Variants in UMODL1 observed in about 807,000 individuals in gnomAD.
UMODL1 encodes the protein uromodulin-like 1.
A neutral mutation model predicts 136.3 loss-of-function variants in UMODL1; 128 were observed. The observed-to-expected ratio is 0.94, with a 90% CI of 0.81 to 1.09. UMODL1 has a LOEUF of 1.09. Ranked by LOEUF, UMODL1 falls within the 50% of genes least tolerant of loss-of-function variation. The pLI, the probability that UMODL1 is intolerant of heterozygous loss-of-function variation, is 0.00. For missense variants in UMODL1, 1,766 were observed against 1,725.6 expected (o/e 1.02, Z -0.41); for synonymous variants, 721 against 720.0 (o/e 1.00, Z -0.02).
At chr21:42,073,379 G>A (rs572840456) in intron 1 of UMODL1, among the ~76,000 whole-genome samples, 19 of 152,150 alleles carry the variant, frequency 1.2e-4, no homozygotes, top group African/African-American at 3.1e-4. Context: ...GTTCCACCCC[G>A]TACGATGAGG....
chr21:42,105,317 A>G (rs1427841658), intron 9 of UMODL1, among the ~76,000 whole-genome samples: 1 of 152,060 alleles, frequency 6.6e-6, no homozygotes, highest in Non-Finnish European at 1.5e-5. Flanking sequence ...CTTCAGGCGG[A>G]TCCAGCCTTC....
intron 3 of UMODL1, among the ~76,000 whole-genome samples, chr21:42,084,498 C>T (rs904320310): frequency 1.3e-5 from 2 of 152,184 alleles, no homozygotes; most frequent in Non-Finnish European, 2.9e-5. Context: ...TCTGGTGGAG[C>T]AGAGACCCGG....
intron 2 of UMODL1, among the ~76,000 whole-genome samples, chr21:42,077,023 GTGTGT>G (rs1412789501): frequency 1.6e-5 from 2 of 122,888 alleles, no homozygotes; most frequent in Admixed American, 7.3e-5. Flanking sequence ...GTGTGTGTGT[GTGTGT>G]GTGTGTGTGT....
At chr21:42,089,739 A>G (rs1317589438) in intron 5 of UMODL1, among the ~76,000 whole-genome samples, 2 of 152,242 alleles carry the variant, frequency 1.3e-5, no homozygotes, top group African/African-American at 4.8e-5. Context: ...TAGTTTGTAA[A>G]GAACTAATAA....
intron 2 of UMODL1, among the ~76,000 whole-genome samples, chr21:42,079,167 G>A (rs1422336731): frequency 1.3e-5 from 2 of 152,156 alleles, no homozygotes; most frequent in Non-Finnish European, 2.9e-5. Context: ...GCCCCTTCCT[G>A]CTCCCGCTCT....
intron 7 of UMODL1, among the ~76,000 whole-genome samples, chr21:42,100,045 G>A (rs951343319): frequency 4.6e-5 from 7 of 152,166 alleles, no homozygotes; most frequent in Admixed American, 2.6e-4. Context: ...GGCTCTGCCC[G>A]TGTCTTGCTC....
At chr21:42,119,043 C>A (rs1601252484) in intron 14 of UMODL1, 68 bp from the exon 15 acceptor site, 1 of 1,523,270 alleles carries the variant, frequency 6.6e-7, no homozygotes. Flanking sequence ...GCAGGAGGAA[C>A]CGCCTTGAGA....
At chr21:42,082,136 G>A (rs1569143608) in intron 2 of UMODL1, among the ~76,000 whole-genome samples, 3 of 152,328 alleles carry the variant, frequency 2.0e-5, no homozygotes, top group Middle Eastern at 3.4e-3. Flanking sequence ...TGAGGAGAGC[G>A]GGGATGCAGG....
chr21:42,108,501 G>T, intron 9 of UMODL1: 1 of 421,898 alleles, frequency 2.4e-6, no homozygotes. Context: ...GAGCCTCAGA[G>T]CACTCAGCAG....
rs1334446433 is a variant in UMODL1, at chr21:42,122,402, C to T, written c.2828-429C>T. ...ATTACCCCATCTTAGAGAATAGACTCAGGGCTCTCAGGGCAGAAGACTCAC... is the reference window on the plus strand; with the variant it reads ...ATTACCCCATCTTAGAGAATAGACTTAGGGCTCTCAGGGCAGAAGACTCAC... On this transcript the variant is annotated intron_variant, in intron 16 of 22. Transcript: ENST00000408910. This position sits in a 1 kb window ranked among gnomAD's most constrained non-coding sequence, Gnocchi z 4.3. 1.3e-5 allele frequency among the ~76,000 whole-genome samples: 2 copies of T among 152,150 alleles called. No homozygotes were observed. Among genetic ancestry groups the T allele is most frequent in the South Asian group, 2.1e-4 (1 of 4,830 alleles).
In UMODL1 at chr21:42,123,191, G is replaced by A. The variant is rs769928183; in HGVS notation, c.3147+41G>A. 42 of 1,568,608 alleles carry A rather than the reference G, an allele frequency of 2.7e-5. No individual in the cohort carries two copies. The Middle Eastern group carries it at 6.8e-4, about 26-fold the overall frequency. ...CCAGGCTCAGGATGTACACTAGGGC[G>A]CAAGGGGCTCTAGGTTACATGGGCC... is the stretch of plus-strand genomic sequence containing the variant. On this transcript the variant is annotated intron_variant, in intron 17 of 22. Transcript: ENST00000408910. This position sits in a 1 kb window ranked among gnomAD's most constrained non-coding sequence, Gnocchi z 4.4.
rs750810786 is a variant in UMODL1 at position 42,109,698 on chromosome 21, G to C, written c.1656G>C (p.Glu552Asp). The change falls in exon 10 of 23, where the codon GAG becomes GAC. Residue 552 changes from glutamate to aspartate, a missense_variant and splice_region_variant. Coordinates refer to ENST00000408910, the MANE Select transcript of UMODL1 (RefSeq NM_001004416.3). Reference sequence around the variant, plus strand: ...CCTCCCGCGCAGGCCGGGCCTGTGAGGGTACGTGTCGACCCCCCTGCCGAC... The same window carrying C: ...CCTCCCGCGCAGGCCGGGCCTGTGACGGTACGTGTCGACCCCCCTGCCGAC... ...ATPSRAGRAC[E>D]GDLVSPMGGG... is the part of the protein sequence containing the mutation. 2 of 1,601,756 alleles carry C rather than the reference G, an allele frequency of 1.2e-6. No homozygotes were observed. The highest frequency in any genetic ancestry group is 1.7e-6 in the Non-Finnish European group (2 of 1,179,854).
intron 2 of UMODL1, among the ~76,000 whole-genome samples, chr21:42,077,002 GGT>G (rs56409028): frequency 0.082 from 9,171 of 112,470 alleles, 351 homozygotes; most frequent in East Asian, 0.11. Context: ...CCAGGGGAGG[GGT>G]GTGTGTGTGT....
chr21:42,109,733 A>G (rs1569161187), intron 10 of UMODL1, 34 bp downstream of exon 10: 1 of 1,590,932 alleles, frequency 6.3e-7, no homozygotes, highest in Non-Finnish European at 8.5e-7. Context: ...CTCTGGGAAG[A>G]CCCCCTGCCC....
rs1174062092 is a variant in UMODL1, at chr21:42,109,668, C to T, written c.1626C>T (p.Ala542=). Residue 542 remains alanine, a synonymous_variant, in exon 10 of 23, where the codon GCC becomes GCT. Transcript: ENST00000408910. ...YTCQCRTTRD[A]TPSRAGRACE... ...GCCAGTGCCGTACCACCAGGGACGC[C>T]ACCCCCTCCCGCGCAGGCCGGGCCT... 1.2e-6 allele frequency: 2 copies of T among 1,606,706 alleles called. No individual in the cohort carries two copies. The highest frequency in any genetic ancestry group is 4.5e-5 in the East Asian group (2 of 44,874).
chr21:42,142,010 C>T (rs1223833719), intron 22 of UMODL1, 86 bp from the exon 23 acceptor site: 1 of 152,304 alleles, frequency 6.6e-6, no homozygotes, highest in African/African-American at 2.4e-5. Context: ...GGTGTTTCCT[C>T]CACTACCCCT....
chr21:42,090,548 G>GC, intron 6 of UMODL1, 110 bp downstream of exon 6: 1 of 1,343,600 alleles, frequency 7.4e-7, no homozygotes. Context: ...AGATAACTCT[G>GC]CCATGAAATA....
At chr21:42,067,118 C>T (rs1478892204), upstream of UMODL1, among the ~76,000 whole-genome samples, 1 of 152,036 alleles carries the variant, frequency 6.6e-6, no homozygotes, top group African/African-American at 2.4e-5. Flanking sequence ...AGATTATAGG[C>T]ATGTGCCACC....
chr21:42,109,532 A>T lies in UMODL1; in HGVS notation c.1520-30A>T. 3.1e-6 allele frequency: 5 copies of T among 1,605,948 alleles called. No individual in the cohort carries two copies. In the East Asian group the frequency reaches 6.7e-5, roughly 22 times the overall value. ...CTGATCACTCTTTGGCTGTTTTCTC[A>T]TGGGTTTTGATTGTGTCTCCCCCTG... On this transcript the variant is annotated intron_variant, in intron 9 of 22. Coordinates refer to ENST00000408910, the MANE Select transcript of UMODL1 (RefSeq NM_001004416.3).
Sources: allele counts gnomAD v4.1 joint callset (sites outside exome capture counted in the v4.1 genomes callset), GRCh38; gene constraint gnomAD v4.1.1; non-coding constraint Gnocchi (gnomAD v3.1); transcripts MANE v1.5; gene names NCBI Gene and HGNC (gene_info 2026-07-23, HGNC 2026-07-21).